The following GMDS variants were observed in gnomAD, a reference collection of about 807,000 sequenced individuals.
GMDS encodes the protein GDP-mannose 4,6 dehydratase.
Under a neutral mutation model 49.9 loss-of-function variants are expected in GMDS, and 20 were observed. That is an observed-to-expected ratio of 0.40 (90% confidence interval 0.28 to 0.58). The LOEUF (loss-of-function observed/expected upper bound fraction) is 0.58. Among genes scored for constraint, GMDS ranks in the 20% least tolerant of loss-of-function variants. The pLI is 0.42. For missense variants in GMDS, 362 were observed against 481.4 expected (o/e 0.75, Z 2.32); for synonymous variants, 177 against 178.6 (o/e 0.99, Z 0.07).
chr6:2,152,121 T>C (rs1045648795), intron 1 of GMDS, among the ~76,000 whole-genome samples: 1 of 152,136 alleles, frequency 6.6e-6, no homozygotes, highest in African/African-American at 2.4e-5. Context: ...AGTAAACAAA[T>C]ACCTAAGTCC....
intron 4 of GMDS, among the ~76,000 whole-genome samples, chr6:2,021,006 C>G (rs921489487): frequency 2.6e-5 from 4 of 152,204 alleles, no homozygotes; most frequent in Admixed American, 2.6e-4. Flanking sequence ...AGCAGTTCTA[C>G]CCCCAGCTGA....
chr6:1,904,109 C>T (rs1227649806), intron 7 of GMDS, among the ~76,000 whole-genome samples: 2 of 152,142 alleles, frequency 1.3e-5, no homozygotes. Flanking sequence ...GACAGGCCCT[C>T]CAGACTTCCA....
intron 8 of GMDS, among the ~76,000 whole-genome samples, chr6:1,740,867 A>G (rs1045502524): frequency 2.6e-5 from 4 of 152,128 alleles, no homozygotes; most frequent in Non-Finnish European, 4.4e-5. Context: ...TTTTGCCTTA[A>G]TTTTCTATAA....
At chr6:2,137,781 C>A (rs533025870) in intron 1 of GMDS, among the ~76,000 whole-genome samples, 65 of 152,350 alleles carry the variant, frequency 4.3e-4, no homozygotes, top group Non-Finnish European at 5.1e-4. Flanking sequence ...CTAAAGATCA[C>A]AAGGTCACTG....
chr6:1,693,299 T>C (rs1765235718), intron 9 of GMDS, among the ~76,000 whole-genome samples: 1 of 152,242 alleles, frequency 6.6e-6, no homozygotes, highest in African/African-American at 2.4e-5. Context: ...CCCTGACTGC[T>C]CCAGGGGCAC....
chr6:2,237,171 T>C (rs1356103602), intron 1 of GMDS, among the ~76,000 whole-genome samples: 1 of 152,164 alleles, frequency 6.6e-6, no homozygotes, highest in Non-Finnish European at 1.5e-5. Context: ...AATGCCAAAA[T>C]AATATCCTGG....
intron 6 of GMDS, among the ~76,000 whole-genome samples, chr6:1,951,481 T>C (rs1763339390): frequency 6.6e-6 from 1 of 152,240 alleles, no homozygotes; most frequent in Non-Finnish European, 1.5e-5. Context: ...CACCATCCAT[T>C]TGTGGCAATC....
intron 4 of GMDS, among the ~76,000 whole-genome samples, chr6:1,962,873 T>A (rs1764040911): frequency 6.6e-6 from 1 of 151,440 alleles, no homozygotes; most frequent in African/African-American, 2.4e-5. Context: ...TTTTCTTTTT[T>A]TTCTTTCTTT....
intron 9 of GMDS, among the ~76,000 whole-genome samples, chr6:1,660,092 T>C (rs1009695838): frequency 1.3e-5 from 2 of 151,962 alleles, no homozygotes; most frequent in Non-Finnish European, 2.9e-5. Flanking sequence ...GGTGCCTAAG[T>C]GGCACCTTGA....
intron 4 of GMDS, among the ~76,000 whole-genome samples, chr6:2,055,716 G>A (rs1218101238): frequency 2.0e-5 from 3 of 152,138 alleles, no homozygotes; most frequent in Non-Finnish European, 4.4e-5. Flanking sequence ...GCACAGAACT[G>A]TAGATTAAAT....
chr6:2,120,110 A>G (rs1398886624), intron 2 of GMDS, among the ~76,000 whole-genome samples: 2 of 152,226 alleles, frequency 1.3e-5, no homozygotes, highest in Non-Finnish European at 2.9e-5. Context: ...TTTAAGTAAT[A>G]TCAATAGCTA....
chr6:2,047,563 G>A (rs192539416), intron 4 of GMDS, among the ~76,000 whole-genome samples: 59 of 151,994 alleles, frequency 3.9e-4, no homozygotes, highest in East Asian at 1.2e-3. Context: ...ATCTCAGCTC[G>A]CTGCAACCTC....
chr6:2,163,366 C>G (rs1777501534), intron 1 of GMDS, among the ~76,000 whole-genome samples: 1 of 152,090 alleles, frequency 6.6e-6, no homozygotes, highest in Non-Finnish European at 1.5e-5. Flanking sequence ...CACTAAATAG[C>G]TGTGTTAGTC....
At chr6:1,788,276 C>A (rs1769398241) in intron 7 of GMDS, among the ~76,000 whole-genome samples, 1 of 152,156 alleles carries the variant, frequency 6.6e-6, no homozygotes, top group South Asian at 2.1e-4. Context: ...GGCAGAATTG[C>A]ACAGGTAAAG....
rs538950031 is a variant in GMDS at position 1,884,683 on chromosome 6, T to C, written c.771+45420A>G. 9.8e-5 allele frequency among the ~76,000 whole-genome samples: 15 copies of C among 152,336 alleles called. 1 individual carries two copies. The East Asian group carries it at 2.9e-3, about 29-fold the overall frequency. On this transcript the variant is annotated intron_variant, in intron 7 of 10. Coordinates refer to ENST00000380815, the MANE Select transcript of GMDS (RefSeq NM_001500.4). ...TTTGTAAATGTTCCCAGTCCTCTTC[T>C]GGCCCTTAGGGTACCTCACTTGCAT...
rs192858808 is a variant in GMDS, at chr6:2,244,286, T to G, written c.102+1035A>C. ...TCCCATGCCTCAGTTTCCACATATA[T>G]AGAGATAATAAAAGTACCTCCTCAA... On this transcript the variant is annotated intron_variant, in intron 1 of 10. Coordinates refer to ENST00000380815, the MANE Select transcript of GMDS (RefSeq NM_001500.4). Among the ~76,000 whole-genome samples, 3 of 152,180 alleles carry G rather than the reference T, an allele frequency of 2.0e-5. No individual in the cohort carries two copies. The East Asian group carries it at 5.8e-4, about 29-fold the overall frequency.
intron 1 of GMDS, among the ~76,000 whole-genome samples, chr6:2,238,116 A>G (rs184975335): frequency 6.6e-6 from 1 of 151,950 alleles, no homozygotes; most frequent in Admixed American, 6.6e-5. Flanking sequence ...GGCCAGGTGC[A>G]GTGGCTCACA....
At chr6:2,047,442 A>G (rs1270562563) in intron 4 of GMDS, among the ~76,000 whole-genome samples, 1 of 152,252 alleles carries the variant, frequency 6.6e-6, no homozygotes. Flanking sequence ...AGAAAGTCAC[A>G]TGACTTCTAA....
intron 1 of GMDS, among the ~76,000 whole-genome samples, chr6:2,214,193 A>T (rs1780209418): frequency 6.6e-6 from 1 of 152,244 alleles, no homozygotes; most frequent in Non-Finnish European, 1.5e-5. Context: ...TCATAATGGT[A>T]CTAAAAACAA....
Sources: gnomAD v4.1 joint callset for allele counts (sites outside exome capture counted in the v4.1 genomes callset) on GRCh38, gnomAD v4.1.1 for gene constraint, MANE v1.5 for transcripts, NCBI Gene and HGNC (gene_info 2026-07-23, HGNC 2026-07-21) for gene names.